Variants in OSTF1 observed in about 807,000 individuals in gnomAD.
OSTF1 encodes the protein osteoclast stimulating factor 1, also known as osteoclast-stimulating factor 1.
A neutral mutation model predicts 37.2 loss-of-function variants in OSTF1; 27 were observed. The observed-to-expected ratio is 0.73, with a 90% CI of 0.54 to 1.00. The LOEUF is 1.00. OSTF1 is among the 50% of genes least tolerant of loss of function. The pLI is 0.00. For missense variants in OSTF1, 232 were observed against 253.8 expected (o/e 0.91, Z 0.58); for synonymous variants, 82 against 89.2 (o/e 0.92, Z 0.46).
At chr9:75,094,453 T>C (rs1825037092) in intron 1 of OSTF1, among the ~76,000 whole-genome samples, 1 of 151,990 alleles carries the variant, frequency 6.6e-6, no homozygotes, top group Admixed American at 6.6e-5. Context: ...TACTACAAAG[T>C]AGCAAAGGCT....
Position 75,088,650 on chromosome 9 carries a change from C to T in OSTF1, c.-43C>T. 6.3e-7 allele frequency: 1 copy of T among 1,595,506 alleles called. No individual in the cohort carries two copies. The highest frequency in any genetic ancestry group is 8.5e-7 in the Non-Finnish European group (1 of 1,170,390). The stretch of plus-strand genomic sequence containing the variant: ...TGCCAGGTGGCGGGCAAGCGGTGGG[C>T]TTTTCGGCGGGGTCTTTAGGATTTG... On this transcript the variant is annotated 5_prime_UTR_variant, in exon 1 of 10. Transcript: ENST00000346234.
intron 1 of OSTF1, among the ~76,000 whole-genome samples, chr9:75,108,083 G>A (rs1825320855): frequency 6.6e-6 from 1 of 151,936 alleles, no homozygotes; most frequent in Non-Finnish European, 1.5e-5. Context: ...AAATGAGCTG[G>A]GTGTGGTGGT....
intron 1 of OSTF1, among the ~76,000 whole-genome samples, chr9:75,104,937 T>C (rs1825258094): frequency 6.6e-6 from 1 of 152,196 alleles, no homozygotes; most frequent in African/African-American, 2.4e-5. Context: ...TTTCCCCAGC[T>C]ATAAAATAGG....
At chr9:75,130,916 A>G (rs1405108680) in intron 4 of OSTF1, among the ~76,000 whole-genome samples, 1 of 152,030 alleles carries the variant, frequency 6.6e-6, no homozygotes, top group Non-Finnish European at 1.5e-5. Flanking sequence ...CCTTAAAACA[A>G]TTTTTTTTAA....
At chr9:75,120,500 C>T (rs1041019109) in intron 2 of OSTF1, among the ~76,000 whole-genome samples, 3 of 152,124 alleles carry the variant, frequency 2.0e-5, no homozygotes, top group Admixed American at 2.0e-4. Context: ...TAGAATGGGA[C>T]TTGCATTTAC....
intron 3 of OSTF1, 139 bp downstream of exon 3, chr9:75,127,758 A>T: frequency 2.0e-6 from 1 of 511,434 alleles, no homozygotes; most frequent in Non-Finnish European, 3.5e-6. Flanking sequence ...TGATAGTAGC[A>T]TAAGATTGAA....
At chr9:75,134,245 G>T in intron 6 of OSTF1, 101 bp from the exon 7 acceptor site, 1 of 511,418 alleles carries the variant, frequency 2.0e-6, no homozygotes, top group South Asian at 3.4e-5. Context: ...TTTTCTTGAA[G>T]GTTCTTCTGA....
At position 75,133,295 on chromosome 9, in the gene OSTF1, C is replaced by T; in HGVS notation, c.252C>T (p.Gly84=). Residue 84 remains glycine (G), a splice_region_variant and synonymous_variant, in exon 6 of 10, where the codon GGC becomes GGT. Coordinates refer to ENST00000346234, the MANE Select transcript of OSTF1 (RefSeq NM_012383.5). The part of the protein sequence containing the change: ...DNPLHEAAKR[G]NLSWLRECLD... ...CTTGTAAATGTAAAATTCTTTCAGG[C>T]AACTTGAGCTGGTTGAGAGAGTGTT... 1 of 1,584,924 alleles carries T rather than the reference C, an allele frequency of 6.3e-7. No individual in the cohort carries two copies. The highest frequency in any genetic ancestry group is 8.6e-7 in the Non-Finnish European group (1 of 1,160,726).
At chr9:75,111,239 T>G (rs983367889) in intron 1 of OSTF1, among the ~76,000 whole-genome samples, 1 of 152,204 alleles carries the variant, frequency 6.6e-6, no homozygotes, top group Non-Finnish European at 1.5e-5. Context: ...TAGAATATCC[T>G]GTTGCAGAAC....
rs116502335 is a variant in OSTF1, at chr9:75,120,272, A to C, written c.81+2722A>C. Among the ~76,000 whole-genome samples, 418 of 152,286 alleles carry C rather than the reference A, an allele frequency of 2.7e-3. 4 individuals are homozygous for C. The highest frequency in any genetic ancestry group is 9.3e-3 in the African/African-American group (386 of 41,560). On this transcript the variant is annotated intron_variant, in intron 2 of 9. Coordinates refer to ENST00000346234, the MANE Select transcript of OSTF1 (RefSeq NM_012383.5). ...AGAATTTGAGGTAGGGAGAGGGCAC[A>C]AAGAGCCCATAACAGGGAAGTGTGA...
chr9:75,109,224 C>G (rs1825343235), intron 1 of OSTF1, among the ~76,000 whole-genome samples: 1 of 152,014 alleles, frequency 6.6e-6, no homozygotes, highest in South Asian at 2.1e-4. Context: ...TGTCGGCCAG[C>G]TGTTCTCCAA....
rs544961446 is a variant in OSTF1, at chr9:75,119,971, A to C, written c.81+2421A>C. On this transcript the variant is annotated intron_variant, in intron 2 of 9. Coordinates refer to ENST00000346234, the MANE Select transcript of OSTF1 (RefSeq NM_012383.5). ...GAGTGAGACTCCGTCTTAATAAAAA[A>C]AAAAAAAGATATGAGTCATTGGATT... 9.3e-4 allele frequency among the ~76,000 whole-genome samples: 141 copies of C among 152,274 alleles called. 2 individuals are homozygous for C. Among genetic ancestry groups the C allele is most frequent in the African/African-American group, 3.3e-3 (138 of 41,554 alleles).
chr9:75,133,653 G>T (rs1245788609), intron 6 of OSTF1, among the ~76,000 whole-genome samples: 2 of 152,126 alleles, frequency 1.3e-5, no homozygotes, highest in African/African-American at 2.4e-5. Flanking sequence ...GCTTAGAAAG[G>T]TTACTGGAAA....
Position 75,137,671 on chromosome 9 carries a change from A to G in OSTF1, c.487+55A>G. The G allele has an allele frequency of 4.6e-6, 5 of 1,079,132 alleles. No individual in the cohort carries two copies. The South Asian group carries it at 6.3e-5, about 14-fold the overall frequency. The allele number at this position is 1,079,132 out of a possible 1,614,324, so 66.8% of individuals were successfully genotyped here. On this transcript the variant is annotated intron_variant, in intron 8 of 9. Coordinates refer to ENST00000346234, the MANE Select transcript of OSTF1 (RefSeq NM_012383.5). The stretch of plus-strand genomic sequence containing the variant: ...TTGCTTGCCCTGAAAAATAGTCTAT[A>G]TCAACTTACGCCATTTGAAATGGTA...
chr9:75,119,969 A>T (rs1045166908), intron 2 of OSTF1, among the ~76,000 whole-genome samples: 4 of 152,244 alleles, frequency 2.6e-5, no homozygotes, highest in Admixed American at 2.0e-4. Context: ...TCTTAATAAA[A>T]AAAAAAAAAG....
At chr9:75,112,389 A>G (rs369802161) in intron 1 of OSTF1, among the ~76,000 whole-genome samples, 2 of 152,084 alleles carry the variant, frequency 1.3e-5, no homozygotes, top group South Asian at 4.1e-4. Context: ...GGCTATTTCT[A>G]TTGCCTTCTT....
chr9:75,119,467 C>G (rs183501986), intron 2 of OSTF1, among the ~76,000 whole-genome samples: 1 of 152,302 alleles, frequency 6.6e-6, no homozygotes, highest in East Asian at 1.9e-4. Context: ...ACTGAGCCTG[C>G]TATAACAAAG....
chr9:75,096,908 C>T (rs1825096683), intron 1 of OSTF1, among the ~76,000 whole-genome samples: 1 of 152,106 alleles, frequency 6.6e-6, no homozygotes, highest in East Asian at 1.9e-4. Context: ...AACTCTTATG[C>T]TTATGTCTGA....
chr9:75,119,809 C>T (rs1225920789), intron 2 of OSTF1, among the ~76,000 whole-genome samples: 4 of 152,206 alleles, frequency 2.6e-5, no homozygotes, highest in Middle Eastern at 3.4e-3. Flanking sequence ...ACTAAAAATA[C>T]GAAAATTAGC....
Sources: allele counts gnomAD v4.1 joint callset (sites outside exome capture counted in the v4.1 genomes callset), GRCh38; gene constraint gnomAD v4.1.1; transcripts MANE v1.5; gene names NCBI Gene and HGNC (gene_info 2026-07-23, HGNC 2026-07-21).